The following SPECC1 variants were observed in gnomAD, a reference collection of about 807,000 sequenced individuals.
SPECC1 encodes the protein cytospin-B.
SPECC1 carries 62 observed loss-of-function variants against 104.1 expected under a neutral mutation model. The observed-to-expected ratio is 0.60, with a 90% confidence interval of 0.49 to 0.74. The LOEUF is 0.74. Ranked by LOEUF, SPECC1 falls within the 30% of genes least tolerant of loss-of-function variation. The pLI, the probability that SPECC1 is intolerant of heterozygous loss-of-function variation, is 0.00. For synonymous variants in SPECC1, 513 were observed against 501.6 expected (o/e 1.02, Z -0.30); for missense variants, 1,306 against 1,310.5 (o/e 1.00, Z 0.05).
At chr17:20,141,215 C>T (rs982285843) in intron 3 of SPECC1, among the ~76,000 whole-genome samples, 1 of 152,218 alleles carries the variant, frequency 6.6e-6, no homozygotes, top group Non-Finnish European at 1.5e-5. Flanking sequence ...CCTTCTGCAG[C>T]ACCCCATGTG....
At chr17:20,079,808 C>T (rs1450068433) in intron 1 of SPECC1, among the ~76,000 whole-genome samples, 1 of 152,094 alleles carries the variant, frequency 6.6e-6, no homozygotes. Context: ...ATGGTGGCTG[C>T]GAAGCTGCCA....
In SPECC1 at chr17:20,314,131, C is replaced by G. The variant is rs1351314157; in HGVS notation, c.*66C>G. 2.9e-6 allele frequency: 4 copies of G among 1,387,418 alleles called. No homozygotes were observed. Among genetic ancestry groups the G allele is most frequent in the Non-Finnish European group, 3.0e-6 (3 of 989,890 alleles). The allele number at this position is 1,387,418 out of a possible 1,614,324, so 85.9% of individuals were successfully genotyped here. A position where few individuals can be genotyped will look rare whatever the true frequency, so the allele number is the denominator to read the frequency against. ...AGCTTTTCCTGGAAGCGCCTGATTA[C>G]TGTCCACTGACCCTGCTCTGCCCAC... is the stretch of plus-strand genomic sequence containing the variant. On this transcript the variant is annotated 3_prime_UTR_variant, in exon 15 of 15. Coordinates refer to ENST00000395527, the MANE Select transcript of SPECC1 (RefSeq NM_001243439.2).
At chr17:20,059,032 G>A (rs2046080732) in intron 1 of SPECC1, among the ~76,000 whole-genome samples, 1 of 150,382 alleles carries the variant, frequency 6.6e-6, no homozygotes, top group Admixed American at 6.6e-5. Context: ...TTAGTAGACG[G>A]GGTTTCACCG....
chr17:20,260,301 G>C lies in SPECC1; in HGVS notation c.2940+7G>C, dbSNP rs1054825861. ...GAAGACACAAGGTTATGCGGTAAGGGACAACATCAGCCAACTTCCAGCTGC... is the reference window on the plus strand; with the variant it reads ...GAAGACACAAGGTTATGCGGTAAGGCACAACATCAGCCAACTTCCAGCTGC... On this transcript the variant is annotated splice_region_variant and intron_variant, in intron 12 of 14. Coordinates refer to ENST00000395527, the MANE Select transcript of SPECC1 (RefSeq NM_001243439.2). 1.1e-5 allele frequency: 18 copies of C among 1,612,380 alleles called. No homozygotes were observed. Among genetic ancestry groups the C allele is most frequent in the African/African-American group, 8.0e-5 (6 of 74,894 alleles).
intron 12 of SPECC1, among the ~76,000 whole-genome samples, chr17:20,273,001 T>C (rs1198311187): frequency 6.6e-6 from 1 of 152,228 alleles, no homozygotes; most frequent in Non-Finnish European, 1.5e-5. Flanking sequence ...TCTGCAAAGC[T>C]GACCCCCTCC....
chr17:20,032,113 T>C (rs2152443227), intron 1 of SPECC1, among the ~76,000 whole-genome samples: 1 of 152,170 alleles, frequency 6.6e-6, no homozygotes, highest in Admixed American at 6.5e-5. Context: ...GGTCAACTGT[T>C]TCTATTATTG....
chr17:20,085,742 T>C (rs943053757), intron 1 of SPECC1, among the ~76,000 whole-genome samples: 2 of 152,224 alleles, frequency 1.3e-5, no homozygotes, highest in African/African-American at 4.8e-5. Flanking sequence ...GTGATTTAAC[T>C]TAATCTGGCA....
intron 6 of SPECC1, 83 bp from the exon 7 acceptor site, chr17:20,232,117 A>T: frequency 2.0e-6 from 3 of 1,512,020 alleles, no homozygotes; most frequent in Admixed American, 3.6e-5. Context: ...TTTCTTGGTG[A>T]CCAACACGGG....
chr17:20,077,499 C>A (rs2046806103), intron 1 of SPECC1, among the ~76,000 whole-genome samples: 1 of 151,160 alleles, frequency 6.6e-6, no homozygotes, highest in Admixed American at 6.6e-5. Flanking sequence ...TGGAGTTTTG[C>A]TCTGTGGCCC....
intron 12 of SPECC1, among the ~76,000 whole-genome samples, chr17:20,265,323 C>G (rs2040182744): frequency 6.6e-6 from 1 of 152,102 alleles, no homozygotes; most frequent in South Asian, 2.1e-4. Context: ...TAGATGGTAT[C>G]TCATTGTGGT....
chr17:20,174,043 C>T (rs182524298), intron 3 of SPECC1, among the ~76,000 whole-genome samples: 250 of 152,090 alleles, frequency 1.6e-3, no homozygotes, highest in African/African-American at 5.6e-3. Flanking sequence ...AGCGATCCTC[C>T]TGCTCAACCT....
intron 4 of SPECC1, among the ~76,000 whole-genome samples, chr17:20,208,584 C>T (rs1794456403): frequency 6.6e-6 from 1 of 152,212 alleles, no homozygotes; most frequent in Non-Finnish European, 1.5e-5. Flanking sequence ...ACATGCTGGA[C>T]TGGGTCCTCT....
chr17:20,230,252 A>C (rs1055037619), intron 5 of SPECC1, among the ~76,000 whole-genome samples: 2 of 152,210 alleles, frequency 1.3e-5, no homozygotes, highest in African/African-American at 4.8e-5. Flanking sequence ...TGTGCATGGC[A>C]ACTCTCTGCA....
intron 1 of SPECC1, among the ~76,000 whole-genome samples, chr17:20,029,964 C>G (rs1444493924): frequency 6.6e-6 from 1 of 151,926 alleles, no homozygotes; most frequent in African/African-American, 2.4e-5. Context: ...AGCTACAAGC[C>G]AAGGAGCACT....
chr17:20,176,022 G>T (rs1164939241), intron 3 of SPECC1, among the ~76,000 whole-genome samples: 1 of 152,144 alleles, frequency 6.6e-6, no homozygotes, highest in Non-Finnish European at 1.5e-5. Context: ...ATGTAAATGC[G>T]CAAATTTCTG....
At chr17:20,185,859 G>A (rs982197419) in intron 3 of SPECC1, among the ~76,000 whole-genome samples, 1 of 151,984 alleles carries the variant, frequency 6.6e-6, no homozygotes, top group Admixed American at 6.6e-5. Context: ...TTTTTTTGAG[G>A]CAGAGTCTCT....
chr17:20,220,586 C>T lies in SPECC1; in HGVS notation c.1864-6827C>T, dbSNP rs1257096621. 2.3e-4 allele frequency among the ~76,000 whole-genome samples: 24 copies of T among 103,530 alleles called. No homozygotes were observed. In the South Asian group the frequency reaches 6.5e-3, roughly 28 times the overall value. 67.9% of individuals were successfully genotyped at this position (103,530 alleles called of 152,430 possible). A position where few individuals can be genotyped will look rare whatever the true frequency, so the allele number is the denominator to read the frequency against. On this transcript the variant is annotated intron_variant, in intron 4 of 14. Transcript: ENST00000395527. ...TTTTTTTTTTTTTTTTTTGTGGAGG[C>T]TAGTTTTTTCCAGATATCAAGTCAT...
intron 2 of SPECC1, among the ~76,000 whole-genome samples, chr17:20,098,812 G>A (rs1443421659): frequency 2.6e-5 from 4 of 152,134 alleles, no homozygotes; most frequent in African/African-American, 7.2e-5. Context: ...GCTTGTTTAC[G>A]GTCTGTCTTC....
At chr17:20,122,531 G>A (rs2049086777) in intron 3 of SPECC1, among the ~76,000 whole-genome samples, 1 of 152,154 alleles carries the variant, frequency 6.6e-6, no homozygotes, top group Non-Finnish European at 1.5e-5. Context: ...ACAGTTCAGC[G>A]GCATTAAGTT....
Sources: allele counts gnomAD v4.1 joint callset (sites outside exome capture counted in the v4.1 genomes callset), GRCh38; gene constraint gnomAD v4.1.1; transcripts MANE v1.5; gene names NCBI Gene and HGNC (gene_info 2026-07-23, HGNC 2026-07-21).